Variants in DIAPH2 observed in about 807,000 individuals in gnomAD.
The protein encoded by DIAPH2 is protein diaphanous homolog 2.
Under a neutral mutation model 92.7 loss-of-function variants are expected in DIAPH2, and 35 were observed. The ratio of observed to expected loss-of-function variants is 0.38; its 90% CI spans 0.29 to 0.50. DIAPH2 has a LOEUF of 0.50. Among genes scored for constraint, DIAPH2 ranks in the 20% least tolerant of loss-of-function variants. The pLI is 0.94. For synonymous variants in DIAPH2, 301 were observed against 280.4 expected (o/e 1.07, Z -0.73); for missense variants, 701 against 819.5 (o/e 0.86, Z 1.77).
intron 26 of DIAPH2, among the ~76,000 whole-genome samples, 187 bp downstream of exon 26, chrX:97,429,932 G>T (rs2070109138): frequency 8.9e-6 from 1 of 111,790 alleles, no homozygotes. Flanking sequence ...CTTGGTAAAT[G>T]TATCTTCAAA....
intron 26 of DIAPH2, among the ~76,000 whole-genome samples, chrX:97,444,430 C>T (rs892987493): frequency 9.0e-6 from 1 of 111,307 alleles, no homozygotes; most frequent in African/African-American, 3.3e-5. Context: ...AAAGTTAATG[C>T]TATTGTGCAT....
chrX:97,232,266 G>A (rs185237855), intron 22 of DIAPH2, among the ~76,000 whole-genome samples: 167 of 111,261 alleles, frequency 1.5e-3, no homozygotes, highest in African/African-American at 4.9e-3. Context: ...ACAGAGTCTC[G>A]CTCTGTCACC....
intron 26 of DIAPH2, among the ~76,000 whole-genome samples, chrX:97,447,989 TGTAA>T (rs911794936): frequency 6.2e-5 from 7 of 112,437 alleles, no homozygotes; most frequent in East Asian, 2.8e-4. Flanking sequence ...TTTACAGAGC[TGTAA>T]GTTTTATTGA....
intron 26 of DIAPH2, among the ~76,000 whole-genome samples, chrX:97,552,024 C>G (rs895405028): frequency 4.5e-5 from 5 of 111,764 alleles, no homozygotes; most frequent in Non-Finnish European, 9.4e-5. Context: ...AAGACTCATT[C>G]TAGCTGGTAA....
intron 14 of DIAPH2, among the ~76,000 whole-genome samples, chrX:96,946,449 T>C (rs1303176933): frequency 8.9e-6 from 1 of 111,801 alleles, no homozygotes; most frequent in Non-Finnish European, 1.9e-5. Flanking sequence ...AAGTTATGAC[T>C]TACCTTGGAG....
chrX:97,123,766 A>G (rs2067073218), intron 21 of DIAPH2, among the ~76,000 whole-genome samples: 1 of 112,496 alleles, frequency 8.9e-6, no homozygotes, highest in Non-Finnish European at 1.9e-5. Flanking sequence ...AGAGTTGGAA[A>G]CAGACTATCA....
intron 22 of DIAPH2, among the ~76,000 whole-genome samples, chrX:97,165,587 G>A (rs1021984528): frequency 2.7e-5 from 3 of 110,407 alleles, no homozygotes; most frequent in East Asian, 2.9e-4. Flanking sequence ...TCTGTCCCCC[G>A]GGCTCAAGGG....
intron 4 of DIAPH2, among the ~76,000 whole-genome samples, chrX:96,862,219 A>G (rs776150950): frequency 4.5e-5 from 5 of 111,861 alleles, no homozygotes; most frequent in Non-Finnish European, 7.5e-5. Context: ...GTATTCATTG[A>G]ATGAATTTGT....
At chrX:96,696,600 A>G (rs2063826508) in intron 1 of DIAPH2, among the ~76,000 whole-genome samples, 1 of 112,061 alleles carries the variant, frequency 8.9e-6, no homozygotes, top group African/African-American at 3.2e-5. Context: ...GGCCACATCA[A>G]CGTTTCTTTT....
chrX:96,962,418 C>CAT (rs2065864633), intron 16 of DIAPH2, among the ~76,000 whole-genome samples: 1 of 50,858 alleles, frequency 2.0e-5, no homozygotes, highest in Admixed American at 2.4e-4. Context: ...TATATATATA[C>CAT]ACATATATAT....
chrX:97,464,190 G>C (rs6620281), intron 26 of DIAPH2, among the ~76,000 whole-genome samples: 80 of 105,393 alleles, frequency 7.6e-4, no homozygotes, highest in South Asian at 1.8e-3. Context: ...TCAGGCCGGG[G>C]GTGGTGGCTC....
At chrX:97,431,332 C>T (rs764639947) in intron 26 of DIAPH2, 1 of 112,290 alleles carries the variant, frequency 8.9e-6, no homozygotes, top group South Asian at 3.7e-4. Context: ...TAAGTGAAAA[C>T]ATGTTATTCT....
chrX:97,171,784 C>CA (rs1391271472), intron 22 of DIAPH2, among the ~76,000 whole-genome samples: 2 of 110,818 alleles, frequency 1.8e-5, no homozygotes, highest in Admixed American at 1.9e-4. Flanking sequence ...ACTAAAAATA[C>CA]AAAAAATCAG....
intron 22 of DIAPH2, among the ~76,000 whole-genome samples, chrX:97,222,404 A>G (rs2067933039): frequency 8.9e-6 from 1 of 111,812 alleles, no homozygotes; most frequent in Non-Finnish European, 1.9e-5. Flanking sequence ...GGGTTTCACC[A>G]TGGTGGCCAG....
chrX:96,925,741 T>A (rs2065576431), intron 9 of DIAPH2, among the ~76,000 whole-genome samples: 1 of 111,832 alleles, frequency 8.9e-6, no homozygotes, highest in Non-Finnish European at 1.9e-5. Flanking sequence ...ACAAAATACT[T>A]CATCTGGCTG....
chrX:97,297,076 CTTTTTTTTTTTT>C (rs57145821), intron 23 of DIAPH2, among the ~76,000 whole-genome samples: 3 of 20,728 alleles, frequency 1.4e-4, no homozygotes, highest in Admixed American at 2.1e-3. Flanking sequence ...CAGGCCTGGC[CTTTTTTTTTTTT>C]TTTTTTTTTT....
intron 23 of DIAPH2, among the ~76,000 whole-genome samples, chrX:97,274,622 GT>G (rs1227501576): frequency 5.8e-5 from 6 of 104,178 alleles, no homozygotes; most frequent in African/African-American, 1.0e-4. Flanking sequence ...TTCAGCACAA[GT>G]TTTTTTTTTG....
intron 22 of DIAPH2, among the ~76,000 whole-genome samples, chrX:97,153,682 T>C (rs1033654066): frequency 1.8e-5 from 2 of 112,083 alleles, no homozygotes; most frequent in Admixed American, 1.9e-4. Flanking sequence ...TTAATTTTAG[T>C]TTTTCTACAT....
chrX:97,202,819 T>C (rs767532476), intron 22 of DIAPH2, among the ~76,000 whole-genome samples: 1 of 112,283 alleles, frequency 8.9e-6, no homozygotes, highest in Admixed American at 9.4e-5. Flanking sequence ...AACTCAGCTC[T>C]GGATCAAGTG....
Sources: gnomAD v4.1 joint callset for allele counts (sites outside exome capture counted in the v4.1 genomes callset) on GRCh38, gnomAD v4.1.1 for gene constraint, MANE v1.5 for transcripts, NCBI Gene and HGNC (gene_info 2026-07-23, HGNC 2026-07-21) for gene names.